Variants in ABCC1 observed in about 807,000 individuals in gnomAD.
ABCC1 encodes ATP binding cassette subfamily C member 1 (ABCC1 blood group), also known as multidrug resistance-associated protein 1.
Under a neutral mutation model 172.9 loss-of-function variants are expected in ABCC1, and 83 were observed. That is an observed-to-expected ratio of 0.48 (90% CI 0.40 to 0.58). The LOEUF (loss-of-function observed/expected upper bound fraction) is 0.58, where lower values mean the gene tolerates loss of function less well. Among genes scored for constraint, ABCC1 ranks in the 20% least tolerant of loss-of-function variants. The pLI is 0.00. For missense variants in ABCC1, 1,817 were observed against 2,002.7 expected (o/e 0.91, Z 1.77); for synonymous variants, 937 against 825.2 (o/e 1.14, Z -2.32).
intron 1 of ABCC1, 133 bp downstream of exon 1, chr16:15,949,932 C>A (rs1289131208): frequency 2.8e-6 from 2 of 726,488 alleles, no homozygotes; most frequent in Non-Finnish European, 3.6e-6. Context: ...GGGACCCTCA[C>A]GTCGCCCGCG....
At chr16:16,105,245 A>G (rs2052026543) in intron 20 of ABCC1, among the ~76,000 whole-genome samples, 1 of 152,178 alleles carries the variant, frequency 6.6e-6, no homozygotes, top group Non-Finnish European at 1.5e-5. Flanking sequence ...ATGAGTGTAG[A>G]AGGATGTAAG....
Position 16,044,519 on chromosome 16 carries a change from G to C in ABCC1, c.879G>C (p.Ala293=), listed in dbSNP as rs372659067. The change falls in exon 8 of 31, where the codon GCG becomes GCC. Residue 293 remains alanine, a synonymous_variant. Transcript: ENST00000399410. ...CGAAAGAGAGTTCCAAGGTGGATGC[G>C]AATGAGGAGGTGGAGGCTTTGATCG... is the stretch of plus-strand genomic sequence containing the variant. ...AQPKESSKVD[A]NEEVEALIVK... is the part of the protein sequence containing the mutation. 1.3e-5 allele frequency: 21 copies of C among 1,614,182 alleles called. No individual in the cohort carries two copies. The South Asian group carries it at 2.3e-4, about 18-fold the overall frequency.
At position 16,141,376 on chromosome 16, in the gene ABCC1, T is replaced by G. The variant is rs1249129177; in HGVS notation, c.*95T>G. 1 of 1,189,636 alleles carries G rather than the reference T, an allele frequency of 8.4e-7. No individual in the cohort carries two copies. The allele number at this position is 1,189,636 out of a possible 1,614,324, so 73.7% of individuals were successfully genotyped here. On this transcript the variant is annotated 3_prime_UTR_variant, in exon 31 of 31. Transcript: ENST00000399410. The stretch of plus-strand genomic sequence containing the variant: ...CCCTGGTAAACCAAGCCTCCCACAC[T>G]GAAACCAAAACATAAAAACCAAACC...
chr16:16,034,580 CTTTTTT>C (rs35163690), intron 6 of ABCC1, among the ~76,000 whole-genome samples: 11 of 84,686 alleles, frequency 1.3e-4, no homozygotes, highest in African/African-American at 5.2e-4. Flanking sequence ...TGTATGTTAA[CTTTTTT>C]TTTTTTTTTT....
intron 19 of ABCC1, among the ~76,000 whole-genome samples, chr16:16,102,032 T>C (rs1254716099): frequency 6.6e-6 from 1 of 152,104 alleles, no homozygotes; most frequent in Non-Finnish European, 1.5e-5. Flanking sequence ...CCAGTTCAAA[T>C]GTTGAAATAC....
At chr16:16,074,289 A>G (rs1276268484) in intron 14 of ABCC1, among the ~76,000 whole-genome samples, 1 of 152,028 alleles carries the variant, frequency 6.6e-6, no homozygotes, top group Admixed American at 6.5e-5. Context: ...CCAGTTGAGA[A>G]CCGTGGCCCA....
chr16:16,057,203 GA>G (rs926935310), intron 12 of ABCC1, among the ~76,000 whole-genome samples: 4 of 113,602 alleles, frequency 3.5e-5, no homozygotes, highest in East Asian at 3.3e-4. Context: ...AAAAAAGAAA[GA>G]AAAAAAAAGC....
At chr16:16,130,408 C>A (rs1227738839) in intron 26 of ABCC1, among the ~76,000 whole-genome samples, 1 of 152,156 alleles carries the variant, frequency 6.6e-6, no homozygotes, top group Non-Finnish European at 1.5e-5. Flanking sequence ...AAACATACTT[C>A]AATATTTATG....
At chr16:16,028,083 GCCCCTCCA>G (rs2048436870) in intron 5 of ABCC1, among the ~76,000 whole-genome samples, 1 of 152,148 alleles carries the variant, frequency 6.6e-6, no homozygotes, top group African/African-American at 2.4e-5. Context: ...CACAGAAGCT[GCCCCTCCA>G]CCCCTGCCGC....
At chr16:16,021,392 A>G (rs11861804) in intron 5 of ABCC1, among the ~76,000 whole-genome samples, 19,420 of 151,812 alleles carry the variant, frequency 0.13, 1,722 homozygotes, top group African/African-American at 0.25. Context: ...CATTTTAAGT[A>G]TGCAATTCAG....
At chr16:15,991,285 G>T (rs893134933) in intron 1 of ABCC1, among the ~76,000 whole-genome samples, 1 of 152,024 alleles carries the variant, frequency 6.6e-6, no homozygotes, top group South Asian at 2.1e-4. Context: ...GTGTGTGTGT[G>T]GTGGGGTGCG....
At chr16:16,106,313 A>C (rs181724456) in intron 20 of ABCC1, among the ~76,000 whole-genome samples, 2 of 149,986 alleles carry the variant, frequency 1.3e-5, no homozygotes, top group Non-Finnish European at 3.0e-5. Context: ...CATATGTTAC[A>C]TTTTGAATCT....
intron 12 of ABCC1, among the ~76,000 whole-genome samples, chr16:16,062,551 T>G (rs769511024): frequency 1.3e-5 from 2 of 152,162 alleles, no homozygotes; most frequent in African/African-American, 2.4e-5. Flanking sequence ...TTCTTGCCAT[T>G]TAGTTTCCCG....
chr16:15,999,597 A>C (rs1211857247), intron 1 of ABCC1, among the ~76,000 whole-genome samples: 4 of 151,174 alleles, frequency 2.6e-5, no homozygotes, highest in African/African-American at 9.7e-5. Flanking sequence ...CCTGGGCAAC[A>C]AGAGTGAAAC....
At chr16:15,962,502 A>C (rs143443532) in intron 1 of ABCC1, among the ~76,000 whole-genome samples, 69 of 152,338 alleles carry the variant, frequency 4.5e-4, no homozygotes, top group African/African-American at 1.6e-3. Flanking sequence ...CTGCTATGAA[A>C]AAATACCTGA....
rs150231003 is a variant in ABCC1 at position 16,024,198 on chromosome 16, G to T, written c.615+7577G>T. ...CGCGCCACTGTACTCCAGTCTGGGC[G>T]ACAGAGCAAGACTCTGTCTCAAAAG... On this transcript the variant is annotated intron_variant, in intron 5 of 30. Coordinates refer to ENST00000399410, the MANE Select transcript of ABCC1 (RefSeq NM_004996.4). Among the ~76,000 whole-genome samples the T allele has an allele frequency of 6.6e-5, 10 of 152,226 alleles. No individual in the cohort carries two copies. The East Asian group carries it at 1.9e-3, about 29-fold the overall frequency.
At position 16,136,523 on chromosome 16, in the gene ABCC1, T is replaced by C. The variant is rs768012803; in HGVS notation, c.4171T>C (p.Phe1391Leu). The change falls in exon 29 of 31, where the codon TTC (phenylalanine) becomes CTC (leucine). Residue 1391 changes from phenylalanine (F) to leucine (L), a missense_variant. Phe to Leu is a conservative substitution (Grantham distance 22). Coordinates refer to ENST00000399410, the MANE Select transcript of ABCC1 (RefSeq NM_004996.4). ...SGSLRMNLDP[F>L]SQYSDEEVWT... ...TTCCCTCCGAATGAACCTGGACCCA[T>C]TCAGCCAGTACTCGGATGAAGAAGT... The C allele has an allele frequency of 6.2e-7, 1 of 1,614,148 alleles. No homozygotes were observed. The highest frequency in any genetic ancestry group is 8.5e-7 in the Non-Finnish European group (1 of 1,180,030).
At chr16:16,094,189 G>C (rs889139283) in intron 19 of ABCC1, 5 of 266,064 alleles carry the variant, frequency 1.9e-5, no homozygotes. Context: ...TAATCCGACC[G>C]ACCCTGAGCT....
intron 1 of ABCC1, among the ~76,000 whole-genome samples, chr16:15,985,948 C>G (rs2046733933): frequency 6.6e-6 from 1 of 151,788 alleles, no homozygotes; most frequent in South Asian, 2.1e-4. Flanking sequence ...TCCCTCCACC[C>G]CTGCTTGTGT....
Sources: gnomAD v4.1 joint callset for allele counts (sites outside exome capture counted in the v4.1 genomes callset) on GRCh38, gnomAD v4.1.1 for gene constraint, MANE v1.5 for transcripts, NCBI Gene and HGNC (gene_info 2026-07-23, HGNC 2026-07-21) for gene names.